CFAP61: variants seen among roughly 807,000 people sequenced by gnomAD.
The protein encoded by CFAP61 is cilia and flagella associated protein 61.
CFAP61 carries 107 observed loss-of-function variants against 135.6 expected under a neutral mutation model. The observed-to-expected ratio is 0.79, with a 90% CI of 0.67 to 0.93. CFAP61 has a LOEUF of 0.93. Among genes scored for constraint, CFAP61 ranks in the 40% least tolerant of loss-of-function variants. The pLI, the probability that CFAP61 is intolerant of heterozygous loss-of-function variation, is 0.00. For missense variants in CFAP61, 1,507 were observed against 1,556.2 expected, an observed-to-expected ratio of 0.97 and a Z score of 0.53; for synonymous variants, 575 against 578.5, an observed-to-expected ratio of 0.99 and a Z score of 0.09.
At chr20:20,246,018 A>G in intron 18 of CFAP61, 99 bp from the exon 19 acceptor site, 2 of 724,754 alleles carry the variant, frequency 2.8e-6, no homozygotes, top group South Asian at 3.5e-5. Context: ...GCAATTCAAC[A>G]GTTGGATGAC....
Position 20,118,359 on chromosome 20 carries a change from A to T in CFAP61, c.859+19545A>T, listed in dbSNP as rs80165169. Among the ~76,000 whole-genome samples the T allele has an allele frequency of 8.0e-3, 630 of 78,478 alleles. 7 individuals are homozygous for T. Among genetic ancestry groups the T allele is most frequent in the African/African-American group, 0.025 (518 of 20,432 alleles). The allele number at this position is 78,478 out of a possible 152,430, so 51.5% of individuals were successfully genotyped here. A position where few individuals can be genotyped will look rare whatever the true frequency, so the allele number is the denominator to read the frequency against. ...CTTTCTTCTTCTTTTTTTTTTTTTT[A>T]AACAGGGTTTCACCCTTGTTGCCCA... On this transcript the variant is annotated intron_variant, in intron 8 of 26. Transcript: ENST00000245957.
In CFAP61 at chr20:20,263,141, C is replaced by T. The variant is rs755276772; in HGVS notation, c.2503+11C>T. On this transcript the variant is annotated intron_variant, in intron 21 of 26. Transcript: ENST00000245957. ...CCATCACCACAGAAGGTAAGGATGTCGGTAACTGTGCATCTCTTCAGAATA... is the reference window on the plus strand; with the variant it reads ...CCATCACCACAGAAGGTAAGGATGTTGGTAACTGTGCATCTCTTCAGAATA... The T allele has an allele frequency of 9.4e-6, 15 of 1,601,600 alleles. No individual in the cohort carries two copies. In the African/African-American group the frequency reaches 1.6e-4, roughly 17 times the overall value.
intron 21 of CFAP61, chr20:20,265,656 T>TC: frequency 3.2e-6 from 2 of 622,436 alleles, no homozygotes; most frequent in Non-Finnish European, 5.8e-6. Context: ...GCTTAATGAC[T>TC]CCCCCAGGCA....
At chr20:20,289,087 T>C in intron 23 of CFAP61, 151 bp downstream of exon 23, 1 of 596,056 alleles carries the variant, frequency 1.7e-6, no homozygotes. Flanking sequence ...GGGTCTATAA[T>C]TTCTGAAGCA....
chr20:20,073,229 G>A (rs1038839906), intron 3 of CFAP61, among the ~76,000 whole-genome samples: 3 of 152,236 alleles, frequency 2.0e-5, no homozygotes, highest in African/African-American at 7.2e-5. Flanking sequence ...GATTAAATGA[G>A]TGAATACACA....
chr20:20,360,333 G>A lies in CFAP61; in HGVS notation c.3637G>A (p.Val1213Met). The change falls in exon 27 of 27, where the codon GTG becomes ATG. Residue 1213 changes from valine to methionine, a missense_variant. By Grantham distance (21) the Val-to-Met change is conservative. Coordinates refer to ENST00000245957, the MANE Select transcript of CFAP61 (RefSeq NM_015585.4). ...TGAGGAATCCATCTACAAAACCCTG[G>A]TGGAGAGAAGCACTCTTGACTACCT... The part of the protein sequence containing the change: ...VFEESIYKTL[V>M]ERSTLDYLHY... 2 of 1,613,878 alleles carry A rather than the reference G, an allele frequency of 1.2e-6. No individual in the cohort carries two copies. The highest frequency in any genetic ancestry group is 2.2e-5 in the South Asian group (2 of 91,068).
intron 18 of CFAP61, among the ~76,000 whole-genome samples, chr20:20,240,132 C>G (rs2049912076): frequency 6.6e-6 from 1 of 152,104 alleles, no homozygotes; most frequent in Non-Finnish European, 1.5e-5. Context: ...TTGACACCCC[C>G]CTGGAGCATG....
intron 10 of CFAP61, 74 bp downstream of exon 10, chr20:20,159,518 T>C: frequency 7.6e-7 from 1 of 1,308,174 alleles, no homozygotes; most frequent in East Asian, 2.3e-5. Flanking sequence ...CTCAGAGGAT[T>C]TGTGCCCTTT....
chr20:20,195,148 GCCCGGTTA>G (rs1259253634), intron 15 of CFAP61, among the ~76,000 whole-genome samples: 1 of 152,166 alleles, frequency 6.6e-6, no homozygotes, highest in Non-Finnish European at 1.5e-5. Flanking sequence ...TCCGCCACTG[GCCCGGTTA>G]CCCTGAGCTC....
At chr20:20,210,843 G>A (rs2047580281) in intron 17 of CFAP61, among the ~76,000 whole-genome samples, 1 of 152,120 alleles carries the variant, frequency 6.6e-6, no homozygotes, top group African/African-American at 2.4e-5. Context: ...AATGGGATAT[G>A]GGCCAGGCAC....
chr20:20,202,250 C>T (rs1029659918), intron 17 of CFAP61, among the ~76,000 whole-genome samples: 1 of 152,126 alleles, frequency 6.6e-6, no homozygotes, highest in African/African-American at 2.4e-5. Flanking sequence ...AGCCACTTAG[C>T]AAATGGGTGG....
Position 20,263,007 on chromosome 20 carries a change from G to T in CFAP61, c.2380G>T (p.Val794Phe). ...DISQHLTNRE[V>F]PNSSQRRYTG... ...TAGTCAACACCTGACAAACAGGGAG[G>T]TTCCCAACAGCAGTCAGCGGCGGTA... The change falls in exon 21 of 27, where the codon GTT (valine) becomes TTT (phenylalanine). Residue 794 changes from valine to phenylalanine, a missense_variant. Transcript: ENST00000245957. The T allele has an allele frequency of 6.2e-7, 1 of 1,613,770 alleles. No individual in the cohort carries two copies. Among genetic ancestry groups the T allele is most frequent in the Non-Finnish European group, 8.5e-7 (1 of 1,179,844 alleles).
chr20:20,274,815 C>T (rs1221329675), intron 21 of CFAP61, among the ~76,000 whole-genome samples: 1 of 152,092 alleles, frequency 6.6e-6, no homozygotes, highest in East Asian at 1.9e-4. Flanking sequence ...TTTAATATAA[C>T]ATTATATTAT....
At chr20:20,197,395 C>T (rs144707173) in intron 16 of CFAP61, among the ~76,000 whole-genome samples, 1 of 152,278 alleles carries the variant, frequency 6.6e-6, no homozygotes, top group African/African-American at 2.4e-5. Flanking sequence ...ATCTTACTTG[C>T]ATACCTCCCA....
intron 8 of CFAP61, among the ~76,000 whole-genome samples, chr20:20,117,013 T>C (rs1366964023): frequency 2.6e-5 from 4 of 152,192 alleles, no homozygotes; most frequent in African/African-American, 9.6e-5. Flanking sequence ...CACCATTTAT[T>C]GATGAGACTT....
intron 8 of CFAP61, among the ~76,000 whole-genome samples, chr20:20,131,809 G>A (rs1043036102): frequency 2.6e-5 from 4 of 151,798 alleles, no homozygotes; most frequent in Admixed American, 6.6e-5. Flanking sequence ...CAACCCACAA[G>A]TTTTGGTATG....
chr20:20,052,569 G>C lies in CFAP61; in HGVS notation c.-59G>C. On this transcript the variant is annotated 5_prime_UTR_variant, in exon 1 of 27. Transcript: ENST00000245957. ...CTCCTTGCGGCAGCGCGTGGAGTGC[G>C]GCGTCCTGGAGCTGCGGATGAGGTG... The C allele has an allele frequency of 1.2e-6, 2 of 1,613,926 alleles. No individual in the cohort carries two copies. Among genetic ancestry groups the C allele is most frequent in the Non-Finnish European group, 1.7e-6 (2 of 1,179,880 alleles).
rs1327747586 is a variant in CFAP61, at chr20:20,085,565, G to T, written c.567-5279G>T. The T allele has an allele frequency of 4.5e-6, 6 of 1,343,542 alleles. No homozygotes were observed. In the African/African-American group the frequency reaches 8.9e-5, roughly 20 times the overall value. The allele number at this position is 1,343,542 out of a possible 1,614,324, so 83.2% of individuals were successfully genotyped here. On this transcript the variant is annotated intron_variant, in intron 6 of 26. Coordinates refer to ENST00000245957, the MANE Select transcript of CFAP61 (RefSeq NM_015585.4). ...TGATTATGGATAACTTTGTTAACGG[G>T]CTGCTGAGGTTCATGAGCAGGCCTA... is the stretch of plus-strand genomic sequence containing the variant.
At chr20:20,149,247 A>G (rs955731085) in intron 9 of CFAP61, among the ~76,000 whole-genome samples, 1 of 152,208 alleles carries the variant, frequency 6.6e-6, no homozygotes, top group Admixed American at 6.5e-5. Flanking sequence ...TCTCATGACA[A>G]AAGACTTAAC....
Sources: gnomAD v4.1 joint callset for allele counts (sites outside exome capture counted in the v4.1 genomes callset) on GRCh38, gnomAD v4.1.1 for gene constraint, MANE v1.5 for transcripts, NCBI Gene and HGNC (gene_info 2026-07-23, HGNC 2026-07-21) for gene names.